The following ADGRL3 variants were observed in gnomAD, a reference collection of about 807,000 sequenced individuals.
ADGRL3 encodes calcium-independent alpha-latrotoxin receptor 3.
ADGRL3 carries 62 observed loss-of-function variants against 153.5 expected under a neutral mutation model. That is an observed-to-expected ratio of 0.40 (90% CI 0.33 to 0.50). ADGRL3 has a LOEUF of 0.50. Among genes scored for constraint, ADGRL3 ranks in the 20% least tolerant of loss-of-function variants. The pLI is 0.47. For missense variants in ADGRL3, 1,641 were observed against 1,859.4 expected (o/e 0.88, Z 2.16); for synonymous variants, 710 against 672.5 (o/e 1.06, Z -0.86).
At chr4:61,542,862 G>T (rs566860424) in intron 4 of ADGRL3, among the ~76,000 whole-genome samples, 1 of 152,150 alleles carries the variant, frequency 6.6e-6, no homozygotes, top group East Asian at 1.9e-4. Flanking sequence ...CACTAAGATT[G>T]CTTTTATTAA....
At chr4:61,535,546 G>C (rs2098650385) in intron 4 of ADGRL3, among the ~76,000 whole-genome samples, 1 of 152,032 alleles carries the variant, frequency 6.6e-6, no homozygotes, top group Non-Finnish European at 1.5e-5. Context: ...GTAGAATTCA[G>C]GTGTGAATCC....
chr4:61,995,220 T>A (rs1415582220), intron 19 of ADGRL3, among the ~76,000 whole-genome samples: 13 of 151,934 alleles, frequency 8.6e-5, no homozygotes, highest in Admixed American at 5.9e-4. Flanking sequence ...TTTTTTTTTT[T>A]AATCCTATTG....
chr4:62,050,709 T>A (rs1008533109), intron 25 of ADGRL3, among the ~76,000 whole-genome samples: 1 of 152,034 alleles, frequency 6.6e-6, no homozygotes, highest in Non-Finnish European at 1.5e-5. Context: ...TTTATTAATG[T>A]CAATAAATAT....
intron 9 of ADGRL3, among the ~76,000 whole-genome samples, chr4:61,828,820 T>C (rs1417085910): frequency 6.6e-6 from 1 of 152,194 alleles, no homozygotes; most frequent in East Asian, 1.9e-4. Flanking sequence ...AAAGCAAATG[T>C]CATATGAAAA....
intron 15 of ADGRL3, among the ~76,000 whole-genome samples, chr4:61,939,794 A>G (rs1488298625): frequency 2.0e-5 from 3 of 152,236 alleles, no homozygotes; most frequent in South Asian, 4.2e-4. Context: ...TAGACCTCAT[A>G]TAACTGGTAT....
chr4:61,832,378 CT>C (rs1422276172), intron 9 of ADGRL3, among the ~76,000 whole-genome samples: 1 of 152,058 alleles, frequency 6.6e-6, no homozygotes, highest in Non-Finnish European at 1.5e-5. Context: ...CTGTGTCAGT[CT>C]TTTTTCCAGT....
intron 21 of ADGRL3, among the ~76,000 whole-genome samples, chr4:62,023,364 A>G (rs1043081152): frequency 6.6e-6 from 1 of 152,204 alleles, no homozygotes; most frequent in Admixed American, 6.5e-5. Flanking sequence ...ACTCCTGGTA[A>G]AGATGCTGTG....
At chr4:61,582,670 A>G (rs1473455282) in intron 4 of ADGRL3, among the ~76,000 whole-genome samples, 1 of 152,006 alleles carries the variant, frequency 6.6e-6, no homozygotes, top group Non-Finnish European at 1.5e-5. Flanking sequence ...TGACTAGGAC[A>G]TTGAAGACTT....
At chr4:61,724,309 T>C (rs1320787600) in intron 6 of ADGRL3, among the ~76,000 whole-genome samples, 2 of 152,044 alleles carry the variant, frequency 1.3e-5, no homozygotes, top group African/African-American at 4.8e-5. Context: ...CTCAAAAGAG[T>C]CTACTAAGAG....
chr4:62,011,183 G>A (rs1464831179), intron 21 of ADGRL3, among the ~76,000 whole-genome samples: 1 of 152,052 alleles, frequency 6.6e-6, no homozygotes, highest in Non-Finnish European at 1.5e-5. Flanking sequence ...TAGGTTCATG[G>A]CTGAGACTCC....
chr4:61,605,089 CAAAAAAAAAAAA>C (rs71211396), intron 5 of ADGRL3, among the ~76,000 whole-genome samples: 15 of 61,420 alleles, frequency 2.4e-4, no homozygotes, highest in Non-Finnish European at 3.5e-4. Context: ...GACTCTGTCT[CAAAAAAAAAAAA>C]AAAAAAAAAA....
intron 2 of ADGRL3, among the ~76,000 whole-genome samples, chr4:61,469,957 C>A (rs1463949090): frequency 6.6e-6 from 1 of 151,724 alleles, no homozygotes; most frequent in African/African-American, 2.4e-5. Flanking sequence ...AAACCCCCAG[C>A]ACTCTGAAGT....
intron 5 of ADGRL3, among the ~76,000 whole-genome samples, chr4:61,616,912 C>T (rs901051510): frequency 4.6e-5 from 7 of 152,166 alleles, no homozygotes; most frequent in African/African-American, 1.7e-4. Flanking sequence ...GCCTCAGCCT[C>T]CCAATTTGCT....
intron 1 of ADGRL3, among the ~76,000 whole-genome samples, chr4:61,270,136 A>G (rs1449678147): frequency 2.6e-5 from 4 of 151,704 alleles, no homozygotes; most frequent in African/African-American, 9.7e-5. Context: ...TACAATACAT[A>G]ATGATTTAAA....
intron 5 of ADGRL3, among the ~76,000 whole-genome samples, chr4:61,652,234 T>G (rs2150400974): frequency 6.6e-6 from 1 of 152,218 alleles, no homozygotes; most frequent in South Asian, 2.1e-4. Context: ...ATGCATGGAG[T>G]GCAAAGTTTT....
At chr4:61,569,119 T>G (rs1463135410) in intron 4 of ADGRL3, among the ~76,000 whole-genome samples, 2 of 152,102 alleles carry the variant, frequency 1.3e-5, no homozygotes, top group Non-Finnish European at 2.9e-5. Context: ...TAAGAGAAAA[T>G]GTATTTCTTA....
chr4:61,909,471 C>T, intron 11 of ADGRL3, 89 bp from the exon 12 acceptor site: 3 of 848,826 alleles, frequency 3.5e-6, no homozygotes, highest in East Asian at 2.8e-5. Context: ...TCGATGATTA[C>T]AATTACATGC....
intron 2 of ADGRL3, among the ~76,000 whole-genome samples, chr4:61,490,437 C>T (rs147208243): frequency 6.6e-6 from 1 of 152,066 alleles, no homozygotes; most frequent in South Asian, 2.1e-4. Context: ...TTACCATAAC[C>T]CCATGACCAA....
At chr4:61,615,334 G>A (rs1053803169) in intron 5 of ADGRL3, among the ~76,000 whole-genome samples, 10 of 151,984 alleles carry the variant, frequency 6.6e-5, no homozygotes, top group Non-Finnish European at 2.9e-5. Flanking sequence ...GTTCACAGTC[G>A]AGAGGGATGA....
Sources: gnomAD v4.1 joint callset for allele counts (sites outside exome capture counted in the v4.1 genomes callset) on GRCh38, gnomAD v4.1.1 for gene constraint, MANE v1.5 for transcripts, NCBI Gene and HGNC (gene_info 2026-07-23, HGNC 2026-07-21) for gene names.